GLP2R: variants seen among roughly 807,000 people sequenced by gnomAD.
The protein encoded by GLP2R is glucagon like peptide 2 receptor.
A neutral mutation model predicts 68.2 loss-of-function variants in GLP2R; 59 were observed. That is an observed-to-expected ratio of 0.87 (90% CI 0.70 to 1.07). The LOEUF is 1.07. GLP2R is among the 50% of genes least tolerant of loss of function. The pLI is 0.00. For missense variants in GLP2R, 548 were observed against 677.4 expected (o/e 0.81, Z 2.12); for synonymous variants, 270 against 265.4 (o/e 1.02, Z -0.17).
intron 10 of GLP2R, among the ~76,000 whole-genome samples, chr17:9,873,246 G>A (rs926122126): frequency 1.3e-5 from 2 of 152,200 alleles, no homozygotes; most frequent in African/African-American, 4.8e-5. Flanking sequence ...AGACAGAAAT[G>A]GTGCAGTTGA....
intron 4 of GLP2R, among the ~76,000 whole-genome samples, chr17:9,845,903 C>T (rs1185071859): frequency 6.6e-6 from 1 of 152,084 alleles, no homozygotes; most frequent in Non-Finnish European, 1.5e-5. Context: ...GTAGAGGTCT[C>T]TGATTAATTT....
At chr17:9,830,470 T>C (rs2066670787) in intron 1 of GLP2R, among the ~76,000 whole-genome samples, 1 of 152,262 alleles carries the variant, frequency 6.6e-6, no homozygotes. Flanking sequence ...ATAACTTACA[T>C]GCTTCCTCTT....
intron 3 of GLP2R, among the ~76,000 whole-genome samples, chr17:9,836,957 C>A (rs1460863400): frequency 6.6e-6 from 1 of 152,074 alleles, no homozygotes; most frequent in African/African-American, 2.4e-5. Flanking sequence ...TCAAGCGATT[C>A]TCCTGCCTCA....
At chr17:9,850,122 C>T (rs372656561) in intron 4 of GLP2R, among the ~76,000 whole-genome samples, 5 of 152,104 alleles carry the variant, frequency 3.3e-5, no homozygotes, top group African/African-American at 1.2e-4. Context: ...CCTGTTTCCT[C>T]GTTGGGTGCG....
intron 9 of GLP2R, among the ~76,000 whole-genome samples, chr17:9,862,882 T>C (rs760013961): frequency 3.3e-5 from 5 of 152,206 alleles, no homozygotes; most frequent in Non-Finnish European, 4.4e-5. Context: ...TGCCATTTTA[T>C]ATAAATAATC....
chr17:9,864,230 T>A (rs2067013254), intron 9 of GLP2R, among the ~76,000 whole-genome samples: 1 of 152,198 alleles, frequency 6.6e-6, no homozygotes. Flanking sequence ...TCAGACCGGG[T>A]AGCACCAGCA....
chr17:9,834,243 T>A (rs1386331959), intron 2 of GLP2R, among the ~76,000 whole-genome samples: 2 of 152,134 alleles, frequency 1.3e-5, no homozygotes, highest in African/African-American at 2.4e-5. Flanking sequence ...CTACTCAGGC[T>A]AACAGTACAG....
intron 10 of GLP2R, among the ~76,000 whole-genome samples, chr17:9,871,606 TAGTC>T (rs1486933649): frequency 7.9e-5 from 12 of 152,142 alleles, no homozygotes; most frequent in African/African-American, 2.4e-4. Context: ...TCCTCATTCA[TAGTC>T]AGTCAGATCA....
intron 11 of GLP2R, among the ~76,000 whole-genome samples, chr17:9,885,377 T>G (rs554950049): frequency 5.9e-5 from 9 of 152,112 alleles, no homozygotes; most frequent in Non-Finnish European, 1.2e-4. Context: ...TTTTAATGAT[T>G]CAGTAGACTG....
In GLP2R at chr17:9,864,374, T is replaced by C. The variant is rs1408994701; in HGVS notation, c.1056+2284T>C. 2.0e-5 allele frequency among the ~76,000 whole-genome samples: 3 copies of C among 152,208 alleles called. No individual in the cohort carries two copies. The East Asian group carries it at 5.8e-4, about 29-fold the overall frequency. Reference sequence around the variant, plus strand: ...GTTTGTGAACCTCTTTGTCTACTCCTGGAGTTCTCAAAACTGGTTGTATGT... The same window carrying C: ...GTTTGTGAACCTCTTTGTCTACTCCCGGAGTTCTCAAAACTGGTTGTATGT... On this transcript the variant is annotated intron_variant, in intron 9 of 12. Coordinates refer to ENST00000262441, the MANE Select transcript of GLP2R (RefSeq NM_004246.3).
Position 9,826,224 on chromosome 17 carries a change from C to T in GLP2R, c.161C>T (p.Thr54Ile), listed in dbSNP as rs1168405145. 2 of 1,608,322 alleles carry T rather than the reference C, an allele frequency of 1.2e-6. No homozygotes were observed. The highest frequency in any genetic ancestry group is 1.1e-5 in the South Asian group (1 of 90,532). Residue 54 changes from threonine (T) to isoleucine (I), a missense_variant, in exon 1 of 13, where the codon ACT becomes ATT. Coordinates refer to ENST00000262441, the MANE Select transcript of GLP2R (RefSeq NM_004246.3). ...TGGGCCCCTGGGAGGCCCTTCCTCA[C>T]TCTGGTCCTGCTGGTTTCCATCAAG... ...SLWAPGRPFLTLVLLVSIKQV... is the reference protein window; with the variant it reads ...SLWAPGRPFLILVLLVSIKQV...
chr17:9,846,537 A>C (rs1484867645), intron 4 of GLP2R, among the ~76,000 whole-genome samples: 1 of 152,246 alleles, frequency 6.6e-6, no homozygotes, highest in Non-Finnish European at 1.5e-5. Flanking sequence ...AGGATCACTT[A>C]AGCCCCAGGA....
At chr17:9,863,478 T>TG (rs2152040966) in intron 9 of GLP2R, among the ~76,000 whole-genome samples, 1 of 152,296 alleles carries the variant, frequency 6.6e-6, no homozygotes, top group East Asian at 1.9e-4. Flanking sequence ...TGTGATGGGA[T>TG]GACAGCTGGC....
At chr17:9,828,636 C>T (rs1218881567) in intron 1 of GLP2R, among the ~76,000 whole-genome samples, 6 of 152,098 alleles carry the variant, frequency 3.9e-5, no homozygotes, top group African/African-American at 9.7e-5. Flanking sequence ...TGGTTGCGTT[C>T]GATGCTGTAG....
chr17:9,835,025 C>CTTTTTTTT (rs35950679), intron 2 of GLP2R, among the ~76,000 whole-genome samples: 1 of 83,152 alleles, frequency 1.2e-5, no homozygotes, highest in African/African-American at 4.6e-5. Context: ...GAAACCTGGC[C>CTTTTTTTT]TTTTTTTTTT....
At chr17:9,832,155 A>C (rs1265882828) in intron 1 of GLP2R, among the ~76,000 whole-genome samples, 5 of 152,156 alleles carry the variant, frequency 3.3e-5, no homozygotes, top group Non-Finnish European at 7.4e-5. Flanking sequence ...AATCAAAAGA[A>C]GCCCAGGTAT....
At position 9,880,427 on chromosome 17, in the gene GLP2R, A is replaced by C. The variant is rs1457417702; in HGVS notation, c.1195A>C (p.Ile399Leu). 1.2e-6 allele frequency: 2 copies of C among 1,601,860 alleles called. No individual in the cohort carries two copies. Among genetic ancestry groups the C allele is most frequent in the Non-Finnish European group, 1.7e-6 (2 of 1,170,612 alleles). ...CATTCCTTTATTGGGCGTTCATGAG[A>C]TCCTCTTCTCTTTCATCACTGATGA... Reference protein sequence around the residue: ...VLIPLLGVHEILFSFITDDQV... With the variant: ...VLIPLLGVHELLFSFITDDQV... The change falls in exon 11 of 13, where the codon ATC becomes CTC. Residue 399 changes from isoleucine to leucine, a missense_variant. By Grantham distance (5) the Ile-to-Leu change is conservative (BLOSUM62 2). Transcript: ENST00000262441.
intron 9 of GLP2R, among the ~76,000 whole-genome samples, chr17:9,863,520 A>G (rs2067006006): frequency 1.3e-5 from 2 of 152,106 alleles, no homozygotes; most frequent in Non-Finnish European, 2.9e-5. Context: ...CAGCTCAAAA[A>G]CTATTTACTG....
At chr17:9,867,274 T>C (rs560929879) in intron 9 of GLP2R, among the ~76,000 whole-genome samples, 38 of 152,336 alleles carry the variant, frequency 2.5e-4, no homozygotes, top group Non-Finnish European at 1.3e-4. Flanking sequence ...GTTATCACAG[T>C]TGGATCTCTC....
Sources: gnomAD v4.1 joint callset for allele counts (sites outside exome capture counted in the v4.1 genomes callset) on GRCh38, gnomAD v4.1.1 for gene constraint, MANE v1.5 for transcripts, NCBI Gene and HGNC (gene_info 2026-07-23, HGNC 2026-07-21) for gene names.